The following HOMER1 variants were observed in gnomAD, a reference collection of about 807,000 sequenced individuals.
HOMER1 encodes the protein homer protein homolog 1.
A neutral mutation model predicts 48.9 loss-of-function variants in HOMER1; 3 were observed. The ratio of observed to expected loss-of-function variants is 0.06; its 90% CI spans 0.03 to 0.16. The LOEUF (loss-of-function observed/expected upper bound fraction) is 0.16, where lower values mean the gene tolerates loss of function less well. Among genes scored for constraint, HOMER1 ranks in the 10% least tolerant of loss-of-function variants. The probability of loss-of-function intolerance (pLI) is 1.00; values close to 1 mark genes in which losing one functional copy is unlikely to be tolerated. For missense variants in HOMER1, 247 were observed against 411.4 expected (o/e 0.60, Z 3.46); for synonymous variants, 134 against 146.4 (o/e 0.92, Z 0.61).
chr5:79,488,458 T>G (rs10942889), intron 1 of HOMER1, among the ~76,000 whole-genome samples: 90,741 of 152,088 alleles, frequency 0.6, 29,701 homozygotes, highest in East Asian at 0.99. Flanking sequence ...TTAATAAACT[T>G]CCATTCTAGT....
At chr5:79,490,277 T>C (rs1248724648) in intron 1 of HOMER1, among the ~76,000 whole-genome samples, 1 of 152,222 alleles carries the variant, frequency 6.6e-6, no homozygotes, top group Non-Finnish European at 1.5e-5. Flanking sequence ...AATATGAGCT[T>C]CTTTTATTTA....
At chr5:79,457,140 A>G in intron 1 of HOMER1, 122 bp from the exon 2 acceptor site, 2 of 898,856 alleles carry the variant, frequency 2.2e-6, no homozygotes, top group Non-Finnish European at 3.5e-6. Flanking sequence ...CCTGAAAGTA[A>G]GAGAAACTTT....
intron 1 of HOMER1, among the ~76,000 whole-genome samples, chr5:79,502,981 A>G (rs192095002): frequency 0.037 from 5,586 of 151,330 alleles, 214 homozygotes; most frequent in African/African-American, 0.097. Context: ...AAGTAGAGAC[A>G]GGGTTTCACC....
intron 1 of HOMER1, among the ~76,000 whole-genome samples, chr5:79,463,042 G>C (rs1382221885): frequency 6.6e-6 from 1 of 152,218 alleles, no homozygotes; most frequent in Non-Finnish European, 1.5e-5. Context: ...AAAGTAGCCT[G>C]AAAGTATTCT....
chr5:79,379,221 ATC>A (rs1248287630), intron 8 of HOMER1, among the ~76,000 whole-genome samples: 2 of 105,958 alleles, frequency 1.9e-5, no homozygotes, highest in Non-Finnish European at 3.5e-5. Context: ...ATTTTTATAT[ATC>A]TATAATATAT....
intron 8 of HOMER1, among the ~76,000 whole-genome samples, chr5:79,387,069 TTCTCTATCTC>T (rs1336783009): frequency 2.3e-5 from 3 of 132,266 alleles, no homozygotes; most frequent in Admixed American, 7.6e-5. Flanking sequence ...TTTCCTTTCT[TTCTCTATCTC>T]TCTCTCTCTC....
chr5:79,433,506 C>G (rs191079036), intron 5 of HOMER1, among the ~76,000 whole-genome samples: 1 of 151,956 alleles, frequency 6.6e-6, no homozygotes, highest in African/African-American at 2.4e-5. Flanking sequence ...AGGTGGAGGT[C>G]GCAGTGAGCT....
chr5:79,422,190 G>A (rs1460570677), intron 5 of HOMER1, among the ~76,000 whole-genome samples: 1 of 151,544 alleles, frequency 6.6e-6, no homozygotes, highest in African/African-American at 2.4e-5. Flanking sequence ...TCGTGCCACT[G>A]CACTCCAGCC....
Position 79,373,585 on chromosome 5 carries a change from G to A in HOMER1, c.*2424C>T, listed in dbSNP as rs1748687480. Reference sequence around the variant, plus strand: ...TAGGCACACAACCTAATTATGACTTGTGGATGATGATTTCTACATACTCTC... The same window carrying A: ...TAGGCACACAACCTAATTATGACTTATGGATGATGATTTCTACATACTCTC... On this transcript the variant is annotated 3_prime_UTR_variant, in exon 9 of 9. Transcript: ENST00000334082. The A allele has an allele frequency of 6.6e-6, 1 of 151,852 alleles. No homozygotes were observed. The highest frequency in any genetic ancestry group is 6.6e-5 in the Admixed American group (1 of 15,238). 9.4% of individuals were successfully genotyped at this position (151,852 alleles called of 1,614,324 possible). A position where few individuals can be genotyped will look rare whatever the true frequency, so the allele number is the denominator to read the frequency against.
intron 6 of HOMER1, among the ~76,000 whole-genome samples, chr5:79,398,700 T>A (rs1035696555): frequency 1.4e-4 from 21 of 152,174 alleles, no homozygotes; most frequent in African/African-American, 4.6e-4. Context: ...TTTTACGGTA[T>A]CAGATCTAAA....
intron 4 of HOMER1, among the ~76,000 whole-genome samples, chr5:79,445,720 G>A (rs774077668): frequency 3.9e-5 from 6 of 152,134 alleles, no homozygotes; most frequent in Non-Finnish European, 7.4e-5. Context: ...AGGGAGACCA[G>A]CCTGGCCAAC....
chr5:79,446,062 C>T (rs1037474119), intron 4 of HOMER1, among the ~76,000 whole-genome samples: 3 of 152,230 alleles, frequency 2.0e-5, no homozygotes, highest in Non-Finnish European at 4.4e-5. Context: ...GAGACTGCTT[C>T]TCCCCTCTAG....
intron 5 of HOMER1, among the ~76,000 whole-genome samples, chr5:79,417,145 C>CT (rs34190629): frequency 0.021 from 3,071 of 142,962 alleles, 51 homozygotes; most frequent in East Asian, 0.064. Context: ...CGCACCCCTA[C>CT]TTTTTTTTTT....
At position 79,513,118 on chromosome 5, in the gene HOMER1, C is replaced by T. The variant is rs1752987361; in HGVS notation, c.-344G>A. On this transcript the variant is annotated 5_prime_UTR_variant, in exon 1 of 9. An upstream start codon of the reference 5' UTR is lost. Transcript: ENST00000334082. ...TCCTATAAAAAATGAGTTCGCTGGT[C>T]ATTTCACTCATGTCCTCCTCGACAC... The T allele has an allele frequency of 1.6e-5, 5 of 318,818 alleles. No individual in the cohort carries two copies. The allele number at this position is 318,818 out of a possible 1,614,324, so 19.7% of individuals were successfully genotyped here. A position where few individuals can be genotyped will look rare whatever the true frequency, so the allele number is the denominator to read the frequency against.
At chr5:79,412,363 C>T (rs1333217236) in intron 5 of HOMER1, among the ~76,000 whole-genome samples, 2 of 152,180 alleles carry the variant, frequency 1.3e-5, no homozygotes, top group Non-Finnish European at 2.9e-5. Flanking sequence ...ATACTTGGAA[C>T]ATTGCAGAGT....
chr5:79,477,453 A>G (rs1367576078), intron 1 of HOMER1, among the ~76,000 whole-genome samples: 1 of 152,216 alleles, frequency 6.6e-6, no homozygotes, highest in African/African-American at 2.4e-5. Context: ...CACAAGTTCT[A>G]TCTTCCTCCA....
chr5:79,375,833 G>A lies in HOMER1; in HGVS notation c.*176C>T. On this transcript the variant is annotated 3_prime_UTR_variant, in exon 9 of 9. Transcript: ENST00000334082. ...TTTTTCCCCAACTAGCTACAAGCTG[G>A]ATTCTAAAATTTACAGTGAAATATA... The A allele has an allele frequency of 2.4e-6, 1 of 410,374 alleles. No individual in the cohort carries two copies. The highest frequency in any genetic ancestry group is 3.6e-5 in the East Asian group (1 of 27,978). The allele number at this position is 410,374 out of a possible 1,614,324, so 25.4% of individuals were successfully genotyped here.
At chr5:79,440,982 AC>A (rs1011847224) in intron 4 of HOMER1, among the ~76,000 whole-genome samples, 15 of 152,154 alleles carry the variant, frequency 9.9e-5, no homozygotes, top group Admixed American at 2.6e-4. Flanking sequence ...ACATGATGAA[AC>A]CCAATCTCTA....
chr5:79,408,900 T>C (rs562943927), intron 5 of HOMER1, among the ~76,000 whole-genome samples: 5 of 151,536 alleles, frequency 3.3e-5, no homozygotes, highest in African/African-American at 1.2e-4. Context: ...ATGGCCAACA[T>C]GGCAAAACCC....
Sources: gnomAD v4.1 joint callset for allele counts (sites outside exome capture counted in the v4.1 genomes callset) on GRCh38, gnomAD v4.1.1 for gene constraint, MANE v1.5 for transcripts, NCBI Gene and HGNC (gene_info 2026-07-23, HGNC 2026-07-21) for gene names.